The following MAP3K14 variants were observed in gnomAD, a reference collection of about 807,000 sequenced individuals.
MAP3K14 encodes mitogen-activated protein kinase kinase kinase 14, also known as NF-kappa-beta-inducing kinase.
A neutral mutation model predicts 99.2 loss-of-function variants in MAP3K14; 16 were observed. The ratio of observed to expected loss-of-function variants is 0.16; its 90% confidence interval spans 0.11 to 0.24. The LOEUF is 0.24. MAP3K14 is among the 10% of genes least tolerant of loss of function. The probability of loss-of-function intolerance (pLI) is 1.00; values close to 1 mark genes in which losing one functional copy is unlikely to be tolerated. For synonymous variants in MAP3K14, 462 were observed against 492.4 expected (o/e 0.94, Z 0.82); for missense variants, 784 against 1,208.7 (o/e 0.65, Z 5.21).
intron 7 of MAP3K14, 64 bp from the exon 8 acceptor site, chr17:45,274,318 A>G: frequency 5.1e-6 from 8 of 1,577,530 alleles, no homozygotes; most frequent in Non-Finnish European, 6.9e-6. Context: ...GCCAAGGGCA[A>G]GAGCACAGGG....
intron 2 of MAP3K14, among the ~76,000 whole-genome samples, chr17:45,289,548 T>C (rs2044294662): frequency 6.6e-6 from 1 of 152,070 alleles, no homozygotes; most frequent in Non-Finnish European, 1.5e-5. Flanking sequence ...GCCAAGCCTA[T>C]ATTATGGGGA....
Position 45,263,963 on chromosome 17 carries a change from C to G in MAP3K14, c.*673G>C, listed in dbSNP as rs1232772403. On this transcript the variant is annotated 3_prime_UTR_variant, in exon 16 of 16. Coordinates refer to ENST00000344686, the MANE Select transcript of MAP3K14 (RefSeq NM_003954.5). The stretch of plus-strand genomic sequence containing the variant: ...TGTCTGGGGACTGAGAACCACTTCA[C>G]TTACACACCTTCTTTGGTCCTTGGC... 1 of 152,346 alleles carries G rather than the reference C, an allele frequency of 6.6e-6. No individual in the cohort carries two copies. Among genetic ancestry groups the G allele is most frequent in the Admixed American group, 6.5e-5 (1 of 15,288 alleles). 9.4% of individuals were successfully genotyped at this position (152,346 alleles called of 1,614,324 possible). A position where few individuals can be genotyped will look rare whatever the true frequency, so the allele number is the denominator to read the frequency against.
rs1249563201 is a variant in MAP3K14 at position 45,264,363 on chromosome 17, G to C, written c.*273C>G. ...AACTCGACTGGAGCAGGGCAGAGAA[G>C]ATCCTGTTTGTTTCCCGAGGTAACT... is the stretch of plus-strand genomic sequence containing the variant. On this transcript the variant is annotated 3_prime_UTR_variant, in exon 16 of 16. Coordinates refer to ENST00000344686, the MANE Select transcript of MAP3K14 (RefSeq NM_003954.5). The C allele has an allele frequency of 9.2e-6, 4 of 435,650 alleles. No homozygotes were observed. Among genetic ancestry groups the C allele is most frequent in the African/African-American group, 8.1e-5 (4 of 49,606 alleles). The allele number at this position is 435,650 out of a possible 1,614,324, so 27.0% of individuals were successfully genotyped here. A position where few individuals can be genotyped will look rare whatever the true frequency, so the allele number is the denominator to read the frequency against.
At chr17:45,279,138 C>CT (rs935339348) in intron 6 of MAP3K14, among the ~76,000 whole-genome samples, 6 of 152,104 alleles carry the variant, frequency 3.9e-5, no homozygotes, top group Non-Finnish European at 7.4e-5. Flanking sequence ...CTTTGGTATT[C>CT]TTTTTTTTGA....
chr17:45,296,525 A>C (rs2044347752), intron 1 of MAP3K14, among the ~76,000 whole-genome samples: 1 of 151,724 alleles, frequency 6.6e-6, no homozygotes, highest in Non-Finnish European at 1.5e-5. Context: ...GGAAAAATAA[A>C]GAAAGAAAGA....
intron 1 of MAP3K14, among the ~76,000 whole-genome samples, chr17:45,311,692 T>C (rs1028126132): frequency 2.0e-5 from 3 of 152,160 alleles, no homozygotes; most frequent in African/African-American, 4.8e-5. Context: ...CAGGGTTTAA[T>C]CTAGCCTTTA....
rs151049449 is a variant in MAP3K14 at position 45,266,016 on chromosome 17, C to T, written c.2578+521G>A. Among the ~76,000 whole-genome samples the T allele has an allele frequency of 1.1e-4, 17 of 152,364 alleles. No homozygotes were observed. In the East Asian group the frequency reaches 2.9e-3, roughly 26 times the overall value. On this transcript the variant is annotated intron_variant, in intron 14 of 15. Transcript: ENST00000344686. The stretch of plus-strand genomic sequence containing the variant: ...CATGGGGCCCTGATGCCATGAGTCA[C>T]ACTTGCCCTGGAGAGGGCCAGGGAA...
intron 6 of MAP3K14, chr17:45,282,239 G>A (rs1489792479): frequency 6.6e-6 from 1 of 152,034 alleles, no homozygotes; most frequent in Admixed American, 6.6e-5. Context: ...ACCCAGCCTG[G>A]ACTTTTTATG....
At chr17:45,282,458 G>C (rs1177265039) in intron 6 of MAP3K14, among the ~76,000 whole-genome samples, 1 of 151,654 alleles carries the variant, frequency 6.6e-6, no homozygotes, top group Non-Finnish European at 1.5e-5. Context: ...GGGAAGCTGA[G>C]GCAACAGGGT....
At chr17:45,268,823 G>A (rs1352155593) in intron 11 of MAP3K14, among the ~76,000 whole-genome samples, 1 of 152,086 alleles carries the variant, frequency 6.6e-6, no homozygotes, top group East Asian at 1.9e-4. Flanking sequence ...GCTGGCATTC[G>A]TTTGTCAGTG....
At chr17:45,310,010 T>C (rs1392963770) in intron 1 of MAP3K14, among the ~76,000 whole-genome samples, 2 of 150,368 alleles carry the variant, frequency 1.3e-5, no homozygotes, top group East Asian at 3.9e-4. Flanking sequence ...TCAACTCCCT[T>C]GGCCAAAGGA....
intron 1 of MAP3K14, among the ~76,000 whole-genome samples, chr17:45,315,341 A>C (rs2044521807): frequency 6.6e-6 from 1 of 152,196 alleles, no homozygotes; most frequent in African/African-American, 2.4e-5. Context: ...GATGGCCTGA[A>C]GCTTGGCAGC....
chr17:45,291,719 C>T (rs2044312741), intron 1 of MAP3K14, among the ~76,000 whole-genome samples: 1 of 152,198 alleles, frequency 6.6e-6, no homozygotes, highest in African/African-American at 2.4e-5. Context: ...TTTTTAAAGG[C>T]TGGGAGTTTT....
At chr17:45,292,096 G>A (rs1431567649) in intron 1 of MAP3K14, among the ~76,000 whole-genome samples, 3 of 152,234 alleles carry the variant, frequency 2.0e-5, no homozygotes, top group South Asian at 2.1e-4. Flanking sequence ...GCTGGCGGGT[G>A]TGGTGGGGTT....
intron 6 of MAP3K14, among the ~76,000 whole-genome samples, chr17:45,279,374 G>C (rs2044202857): frequency 6.6e-6 from 1 of 151,848 alleles, no homozygotes; most frequent in African/African-American, 2.4e-5. Context: ...TGATTCACCC[G>C]CCTCGGCCTC....
intron 1 of MAP3K14, among the ~76,000 whole-genome samples, chr17:45,293,344 T>C (rs2044325854): frequency 2.0e-5 from 3 of 152,208 alleles, no homozygotes; most frequent in Admixed American, 2.0e-4. Context: ...TAGGTCATCC[T>C]GAGCTAGAAC....
chr17:45,302,967 A>G (rs921203500), intron 1 of MAP3K14, among the ~76,000 whole-genome samples: 4 of 152,246 alleles, frequency 2.6e-5, no homozygotes, highest in African/African-American at 9.6e-5. Flanking sequence ...CTCAAGAAAT[A>G]GGAAGGTGCT....
At chr17:45,315,052 T>C (rs899865957) in intron 1 of MAP3K14, among the ~76,000 whole-genome samples, 8 of 150,092 alleles carry the variant, frequency 5.3e-5, no homozygotes, top group African/African-American at 1.7e-4. Flanking sequence ...TGCCGAGGGC[T>C]GGACAACCAA....
intron 1 of MAP3K14, among the ~76,000 whole-genome samples, chr17:45,301,833 C>CTTT (rs34664244): frequency 8.2e-5 from 11 of 134,298 alleles, no homozygotes; most frequent in African/African-American, 3.0e-4. Flanking sequence ...TCTCAGTTCT[C>CTTT]TTTTTTTTTT....
Sources: gnomAD v4.1 joint callset for allele counts (sites outside exome capture counted in the v4.1 genomes callset) on GRCh38, gnomAD v4.1.1 for gene constraint, MANE v1.5 for transcripts, NCBI Gene and HGNC (gene_info 2026-07-23, HGNC 2026-07-21) for gene names.